Variants in LARGE2 observed in about 807,000 individuals in gnomAD.
LARGE2 encodes the protein LARGE xylosyl- and glucuronyltransferase 2.
In LARGE2, 63 loss-of-function variants were observed where a neutral mutation model predicts 75.3. The ratio of observed to expected loss-of-function variants is 0.84; its 90% confidence interval spans 0.68 to 1.03. The LOEUF (loss-of-function observed/expected upper bound fraction) is 1.03. Among genes scored for constraint, LARGE2 ranks in the 50% least tolerant of loss-of-function variants. The pLI, the probability that LARGE2 is intolerant of heterozygous loss-of-function variation, is 0.00. For missense variants in LARGE2, 925 were observed against 980.6 expected, an observed-to-expected ratio of 0.94 and a Z score of 0.76; for synonymous variants, 428 against 420.1, an observed-to-expected ratio of 1.02 and a Z score of -0.23.
intron 11 of LARGE2, 125 bp downstream of exon 11, chr11:45,927,718 G>T (rs1340750359): frequency 6.8e-7 from 1 of 1,462,902 alleles, no homozygotes. Context: ...ATTGGGGTTT[G>T]TATTAGGCTG....
At chr11:45,928,452 A>C (rs1198473141) in intron 13 of LARGE2, 80 bp downstream of exon 13, 4 of 1,546,898 alleles carry the variant, frequency 2.6e-6, no homozygotes, top group Admixed American at 1.8e-5. Context: ...TGCATGGGGG[A>C]CCACACCACT....
Position 45,927,412 on chromosome 11 carries a change from G to T in LARGE2, c.1423G>T (p.Val475Phe), listed in dbSNP as rs780376065. ...DAEAQQFLHFVEASPVLAARQ... is the reference protein window; with the variant it reads ...DAEAQQFLHFFEASPVLAARQ... ...AGAAGCTCAGCAGTTCCTGCATTTC[G>T]TCGAGGCCTCACCAGTGCTTGCTGC... The change falls in exon 11 of 14, where the codon GTC (valine) becomes TTC (phenylalanine). Residue 475 changes from valine (V) to phenylalanine (F), a missense_variant. By Grantham distance (50) the Val-to-Phe change is conservative. Transcript: ENST00000401752. The T allele has an allele frequency of 7.4e-6, 12 of 1,614,046 alleles. No individual in the cohort carries two copies. The African/African-American group carries it at 8.0e-5, about 11-fold the overall frequency.
In LARGE2 at chr11:45,922,789, C is replaced by T. The variant is rs1364118544; in HGVS notation, c.-62-32C>T. On this transcript the variant is annotated intron_variant, in intron 1 of 13. Coordinates refer to ENST00000401752, the MANE Select transcript of LARGE2 (RefSeq NM_001300721.2). ...GGCCGTCGGGCCCCGCCGCCCAGGG[C>T]TGAGTCTCCCATCTCGCCCCTCGGT... 6 of 1,042,684 alleles carry T rather than the reference C, an allele frequency of 5.8e-6. No individual in the cohort carries two copies. In the East Asian group the frequency reaches 1.7e-4, roughly 29 times the overall value. 64.6% of individuals were successfully genotyped at this position (1,042,684 alleles called of 1,614,324 possible). A position where few individuals can be genotyped will look rare whatever the true frequency, so the allele number is the denominator to read the frequency against.
intron 4 of LARGE2, 46 bp downstream of exon 4, chr11:45,924,323 T>A: frequency 1.9e-6 from 3 of 1,600,578 alleles, no homozygotes; most frequent in Non-Finnish European, 2.6e-6. Context: ...TGTCCACCGC[T>A]CTCCTCTCTC....
chr11:45,927,068 G>A (rs990971762), intron 10 of LARGE2, among the ~76,000 whole-genome samples, 197 bp downstream of exon 10: 4 of 152,182 alleles, frequency 2.6e-5, no homozygotes, highest in South Asian at 2.1e-4. Context: ...GCTGCCCCTC[G>A]GTCGCTGTGG....
At position 45,923,436 on chromosome 11, in the gene LARGE2, A is replaced by G. The variant is rs995426919; in HGVS notation, c.286-37A>G. ...CATGGGTCCTCACCGCCTAGCGGAG[A>G]AGGGGGGCTGCTGCCGACCTGGGCG... On this transcript the variant is annotated intron_variant, in intron 2 of 13. Transcript: ENST00000401752. The G allele has an allele frequency of 2.7e-6, 4 of 1,500,658 alleles. No individual in the cohort carries two copies. In the African/African-American group the frequency reaches 6.7e-5, roughly 25 times the overall value. 93.0% of individuals were successfully genotyped at this position (1,500,658 alleles called of 1,614,324 possible). A position where few individuals can be genotyped will look rare whatever the true frequency, so the allele number is the denominator to read the frequency against.
In LARGE2 at chr11:45,926,204, A is replaced by G. The variant is rs774794213; in HGVS notation, c.883-18A>G. On this transcript the variant is annotated intron_variant, in intron 7 of 13. Coordinates refer to ENST00000401752, the MANE Select transcript of LARGE2 (RefSeq NM_001300721.2). Reference sequence around the variant, plus strand: ...GTGGCAGGCTGGGGGCTGGGATGTGATGGGTGTCTCTGCTCAGGACATCTT... The same window carrying G: ...GTGGCAGGCTGGGGGCTGGGATGTGGTGGGTGTCTCTGCTCAGGACATCTT... 91 of 1,613,158 alleles carry G rather than the reference A, an allele frequency of 5.6e-5. No homozygotes were observed. The highest frequency in any genetic ancestry group is 7.5e-5 in the Non-Finnish European group (88 of 1,179,630).
chr11:45,926,254 G>C lies in LARGE2; in HGVS notation c.915G>C (p.Pro305=). 6.2e-7 allele frequency: 1 copy of C among 1,614,198 alleles called. No individual in the cohort carries two copies. The highest frequency in any genetic ancestry group is 8.5e-7 in the Non-Finnish European group (1 of 1,180,030). The change falls in exon 8 of 14, where the codon CCG becomes CCC. Residue 305 remains proline, a synonymous_variant. Coordinates refer to ENST00000401752, the MANE Select transcript of LARGE2 (RefSeq NM_001300721.2). Reference sequence around the variant, plus strand: ...TCAACGCTGTGATCAAGGAGCACCCGGGGCTAGTGCAGCGTCTGCCTTGTG... The same window carrying C: ...TCAACGCTGTGATCAAGGAGCACCCCGGGCTAGTGCAGCGTCTGCCTTGTG... ...DIFNAVIKEH[P]GLVQRLPCVW...
intron 5 of LARGE2, 46 bp from the exon 6 acceptor site, chr11:45,924,739 G>C (rs961715128): frequency 6.5e-7 from 1 of 1,539,360 alleles, no homozygotes; most frequent in Non-Finnish European, 8.8e-7. Flanking sequence ...CTGAGCCCAG[G>C]TCCTGTGGCA....
Position 45,922,716 on chromosome 11 carries a change from G to A in LARGE2, c.-75G>A. ...TGCGAGCGCAGGGCCCAGCCCGGGAGCCGCTGGAGCAGGTGAGGGAGGTGG... is the reference window on the plus strand; with the variant it reads ...TGCGAGCGCAGGGCCCAGCCCGGGAACCGCTGGAGCAGGTGAGGGAGGTGG... On this transcript the variant is annotated 5_prime_UTR_variant, in exon 1 of 14. Coordinates refer to ENST00000401752, the MANE Select transcript of LARGE2 (RefSeq NM_001300721.2). 4.3e-6 allele frequency: 2 copies of A among 462,812 alleles called. No individual in the cohort carries two copies. Among genetic ancestry groups the A allele is most frequent in the Non-Finnish European group, 6.8e-6 (2 of 293,494 alleles). 28.7% of individuals were successfully genotyped at this position (462,812 alleles called of 1,614,324 possible).
chr11:45,927,332 C>G lies in LARGE2; in HGVS notation c.1343C>G (p.Ala448Gly), dbSNP rs758660384. The G allele has an allele frequency of 1.1e-5, 17 of 1,613,164 alleles. No individual in the cohort carries two copies. Among genetic ancestry groups the G allele is most frequent in the Non-Finnish European group, 1.3e-5 (15 of 1,179,940 alleles). Residue 448 changes from alanine to glycine, a missense_variant, in exon 11 of 14, where the codon GCC (alanine) becomes GGC (glycine). Around this residue, in one of 3 missense-constraint regions of LARGE2, gnomAD observed 469 missense variants for 503.8 expected, o/e 0.93. Transcript: ENST00000401752. ...CCCCATAGGCTGCAGATGTTGGAAG[C>G]CCTGTGCAGGCACTGGCCTGGCCCC... ...LSMDRLQMLE[A>G]LCRHWPGPMS...
At position 45,927,556 on chromosome 11, in the gene LARGE2, G is replaced by A. The variant is rs762620568; in HGVS notation, c.1567G>A (p.Asp523Asn). The A allele has an allele frequency of 1.2e-6, 2 of 1,614,048 alleles. No individual in the cohort carries two copies. The highest frequency in any genetic ancestry group is 1.7e-6 in the Non-Finnish European group (2 of 1,180,032). ...GCCTTACGTCTTCCTCAGTGACATT[G>A]ACTTCCTGCCTGCCTATTCTCTCTA... ...LTPYVFLSDI[D>N]FLPAYSLYDY... is the part of the protein sequence containing the mutation. Residue 523 changes from aspartate (D) to asparagine (N), a missense_variant, in exon 11 of 14, where the codon GAC (aspartate) becomes AAC (asparagine). Physicochemically the swap from Asp to Asn is conservative, Grantham distance 23. Around this residue, in one of 3 missense-constraint regions of LARGE2, gnomAD observed 469 missense variants for 503.8 expected, o/e 0.93. Coordinates refer to ENST00000401752, the MANE Select transcript of LARGE2 (RefSeq NM_001300721.2).
Position 45,926,092 on chromosome 11 carries a change from T to C in LARGE2, c.823T>C (p.Trp275Arg). The change falls in exon 7 of 14, where the codon TGG (tryptophan) becomes CGG (arginine). Residue 275 changes from tryptophan to arginine, a missense_variant. This residue lies in a region of LARGE2 where 453 missense variants were observed against 460.2 expected (regional missense o/e 0.98). Transcript: ENST00000401752. Reference protein sequence around the residue: ...RLRQAGWEQMWRLTARRELLS... With the variant: ...RLRQAGWEQMRRLTARRELLS... ...CCGGCAGGCTGGCTGGGAGCAGATG[T>C]GGAGGCTGACAGCCAGGCGGGAGCT... 1 of 1,564,650 alleles carries C rather than the reference T, an allele frequency of 6.4e-7. No individual in the cohort carries two copies. Among genetic ancestry groups the C allele is most frequent in the Non-Finnish European group, 8.7e-7 (1 of 1,154,962 alleles).
Position 45,924,594 on chromosome 11 carries a change from T to A in LARGE2, c.581T>A (p.Leu194Gln), listed in dbSNP as rs757952553. 1 of 1,614,116 alleles carries A rather than the reference T, an allele frequency of 6.2e-7. No homozygotes were observed. Among genetic ancestry groups the A allele is most frequent in the South Asian group, 1.1e-5 (1 of 91,078 alleles). Residue 194 changes from leucine to glutamine, a missense_variant, in exon 5 of 14, where the codon CTG (leucine) becomes CAG (glutamine). By Grantham distance (113) the Leu-to-Gln change is moderately radical. Coordinates refer to ENST00000401752, the MANE Select transcript of LARGE2 (RefSeq NM_001300721.2). Reference protein sequence around the residue: ...LVLPSALPAELARVIVLDTDV... With the variant: ...LVLPSALPAEQARVIVLDTDV... The stretch of plus-strand genomic sequence containing the variant: ...CTGCCCAGTGCCTTGCCTGCTGAGC[T>A]GGCCCGCGTCATTGTCCTGGACACG...
At chr11:45,922,478 T>G (rs7109981), upstream of LARGE2, among the ~76,000 whole-genome samples, 119,827 of 151,860 alleles carry the variant, frequency 0.79, 49,395 homozygotes, top group Non-Finnish European at 0.92. Context: ...AGCCCTCCCC[T>G]CGTCCTGGTG....
rs750833601 is a variant in LARGE2, at chr11:45,927,312, T to C, written c.1326-3T>C. 4.0e-5 allele frequency: 64 copies of C among 1,611,750 alleles called. No homozygotes were observed. The highest frequency in any genetic ancestry group is 5.0e-5 in the Non-Finnish European group (59 of 1,179,408). ...AGCTGTGCTGACCTCCCTCTCCCCA[T>C]AGGCTGCAGATGTTGGAAGCCCTGT... On this transcript the variant is annotated splice_polypyrimidine_tract_variant and splice_region_variant and intron_variant, in intron 10 of 13. Coordinates refer to ENST00000401752, the MANE Select transcript of LARGE2 (RefSeq NM_001300721.2).
At position 45,923,055 on chromosome 11, in the gene LARGE2, C is replaced by CA; in HGVS notation, c.174dup (p.Asp59ArgfsTer49). ...GGCCCGCTCATGCCACGTGTCCCCC[C>CA]AGACGGGAGGCTGCGGAGAGCCGCC... On this transcript the variant is annotated frameshift_variant, in exon 2 of 14. Coordinates refer to ENST00000401752, the MANE Select transcript of LARGE2 (RefSeq NM_001300721.2). LOFTEE classifies it high-confidence loss of function. 1 of 1,418,136 alleles carries CA rather than the reference C, an allele frequency of 7.1e-7. No individual in the cohort carries two copies. Among genetic ancestry groups the CA allele is most frequent in the Non-Finnish European group, 9.2e-7 (1 of 1,088,732 alleles). 87.8% of individuals were successfully genotyped at this position (1,418,136 alleles called of 1,614,324 possible). A position where few individuals can be genotyped will look rare whatever the true frequency, so the allele number is the denominator to read the frequency against.
intron 2 of LARGE2, 126 bp from the exon 3 acceptor site, chr11:45,923,347 G>A: frequency 8.9e-7 from 1 of 1,121,300 alleles, no homozygotes; most frequent in South Asian, 1.5e-5. Context: ...TGAAATGAAG[G>A]GTTGGCTCCT....
chr11:45,927,708 A>G (rs772086552), intron 11 of LARGE2, 115 bp downstream of exon 11: 12 of 1,500,212 alleles, frequency 8.0e-6, no homozygotes, highest in African/African-American at 1.4e-5. Flanking sequence ...GCCTCTGTCA[A>G]TTGGGGTTTG....
Sources: gnomAD v4.1 joint callset for allele counts (sites outside exome capture counted in the v4.1 genomes callset) on GRCh38, gnomAD v4.1.1 for gene constraint, gnomAD v4.1.1 regional missense constraint, MANE v1.5 for transcripts, NCBI Gene and HGNC (gene_info 2026-07-23, HGNC 2026-07-21) for gene names.